GSR: variants seen among roughly 807,000 people sequenced by gnomAD.
The protein encoded by GSR is glutathione-disulfide reductase.
In GSR, 48 loss-of-function variants were observed where a neutral mutation model predicts 56.5. The observed-to-expected ratio is 0.85, with a 90% CI of 0.67 to 1.08. The LOEUF (loss-of-function observed/expected upper bound fraction) is 1.08. Ranked by LOEUF, GSR falls within the 50% of genes least tolerant of loss-of-function variation. The probability of loss-of-function intolerance (pLI) is 0.00; values close to 1 mark genes in which losing one functional copy is unlikely to be tolerated. For missense variants in GSR, 694 were observed against 703.3 expected, an observed-to-expected ratio of 0.99 and a Z score of 0.15; for synonymous variants, 264 against 270.8, an observed-to-expected ratio of 0.97 and a Z score of 0.25.
chr8:30,709,922 AAAG>A lies in GSR; in HGVS notation c.334-23_334-21del. Reference sequence around the variant, plus strand: ...CATTACCTGTAAAAAAAAAAAAAAAAAAGGATCCAAAACAGCAGTAAATCAGTC... The same window carrying A: ...CATTACCTGTAAAAAAAAAAAAAAAAGATCCAAAACAGCAGTAAATCAGTC... On this transcript the variant is annotated intron_variant, in intron 2 of 12. Transcript: ENST00000221130. The A allele has an allele frequency of 7.2e-7, 1 of 1,382,152 alleles. No homozygotes were observed. The highest frequency in any genetic ancestry group is 1.0e-6 in the Non-Finnish European group (1 of 981,216). The allele number at this position is 1,382,152 out of a possible 1,614,324, so 85.6% of individuals were successfully genotyped here.
chr8:30,721,895 T>C (rs1047657646), intron 1 of GSR, among the ~76,000 whole-genome samples: 4 of 151,630 alleles, frequency 2.6e-5, no homozygotes, highest in Non-Finnish European at 5.9e-5. Flanking sequence ...CACACGCCTG[T>C]AGTCCCAGCT....
intron 1 of GSR, among the ~76,000 whole-genome samples, chr8:30,717,569 G>A (rs1804378253): frequency 6.6e-6 from 1 of 152,116 alleles, no homozygotes; most frequent in African/African-American, 2.4e-5. Context: ...GGCGGCATTA[G>A]ATTCTCATAG....
In GSR at chr8:30,689,266, T is replaced by C. The variant is rs769407406; in HGVS notation, c.936A>G (p.Ala312=). 1 of 1,613,870 alleles carries C rather than the reference T, an allele frequency of 6.2e-7. No individual in the cohort carries two copies. The highest frequency in any genetic ancestry group is 1.1e-5 in the South Asian group (1 of 91,074). ...LSGLEVSMVT[A]VPGRLPVMTM... is the part of the protein sequence containing the mutation. ...TCATGACTGGTAGCCTACCGGGAACTGCAGTAACCATGCTGACTTCCAAGC... is the reference window on the plus strand; with the variant it reads ...TCATGACTGGTAGCCTACCGGGAACCGCAGTAACCATGCTGACTTCCAAGC... Residue 312 remains alanine, a synonymous_variant, in exon 9 of 13, where the codon GCA becomes GCG. Transcript: ENST00000221130.
At chr8:30,702,319 CTAAATAAATAAATAAA>C (rs531638931) in intron 5 of GSR, among the ~76,000 whole-genome samples, 1 of 150,880 alleles carries the variant, frequency 6.6e-6, no homozygotes, top group Non-Finnish European at 1.5e-5. Flanking sequence ...GACTCTGTCT[CTAAATAAATAAATAAA>C]TAAATAAATA....
chr8:30,700,723 CA>C (rs55702917), intron 5 of GSR, among the ~76,000 whole-genome samples: 24 of 80,056 alleles, frequency 3.0e-4, no homozygotes, highest in Admixed American at 8.8e-4. Flanking sequence ...ATTTTGTCTC[CA>C]AAAAAAAAAA....
chr8:30,715,324 T>A (rs1201511908), intron 1 of GSR, among the ~76,000 whole-genome samples: 1 of 151,754 alleles, frequency 6.6e-6, no homozygotes, highest in African/African-American at 2.4e-5. Flanking sequence ...AACGTATGGC[T>A]TTCTATCTAG....
chr8:30,714,335 C>T (rs1015794837), intron 1 of GSR, among the ~76,000 whole-genome samples: 7 of 150,646 alleles, frequency 4.6e-5, no homozygotes, highest in Non-Finnish European at 8.8e-5. Context: ...CCTCAGCCCC[C>T]GAGTAGCTGG....
intron 9 of GSR, among the ~76,000 whole-genome samples, chr8:30,687,309 C>T (rs983385931): frequency 2.6e-5 from 4 of 152,190 alleles, no homozygotes; most frequent in African/African-American, 7.2e-5. Flanking sequence ...AGTATTAGAA[C>T]ATAAGTCAAA....
intron 1 of GSR, among the ~76,000 whole-genome samples, chr8:30,713,650 C>T (rs1032270861): frequency 9.2e-5 from 14 of 152,168 alleles, no homozygotes; most frequent in Admixed American, 2.6e-4. Flanking sequence ...TGAGCCACCA[C>T]GCCCAGACGA....
Position 30,703,102 on chromosome 8 carries a change from G to C in GSR, c.631C>G (p.Gln211Glu), listed in dbSNP as rs1426173266. The C allele has an allele frequency of 6.2e-7, 1 of 1,614,100 alleles. No homozygotes were observed. ...GGMPSTPHES[Q>E]IPGASLGITS... ...CTGTTGTATGACTCACCGGGGATCT[G>C]GCTCTCATGAGGGGTGGAGGGCATA... The change falls in exon 5 of 13, where the codon CAG becomes GAG. Residue 211 changes from glutamine (Q) to glutamate (E), a missense_variant. Physicochemically the swap from Gln to Glu is conservative, Grantham distance 29. Transcript: ENST00000221130.
At chr8:30,702,071 C>T (rs1272311386) in intron 5 of GSR, among the ~76,000 whole-genome samples, 4 of 150,962 alleles carry the variant, frequency 2.6e-5, no homozygotes, top group Non-Finnish European at 4.4e-5. Context: ...AATAATAGGC[C>T]GGGCACAGTG....
rs544170264 is a variant in GSR, at chr8:30,693,084, C to T, written c.796-29G>A. 1.7e-5 allele frequency: 23 copies of T among 1,385,830 alleles called. No homozygotes were observed. In the African/African-American group the frequency reaches 2.0e-4, roughly 12 times the overall value. The allele number at this position is 1,385,830 out of a possible 1,614,324, so 85.8% of individuals were successfully genotyped here. ...CATATCAACATAGGGATGGGTAATGCGAGAGGAAGAAAACTTGAGCAAAGA... is the reference window on the plus strand; with the variant it reads ...CATATCAACATAGGGATGGGTAATGTGAGAGGAAGAAAACTTGAGCAAAGA... On this transcript the variant is annotated intron_variant, in intron 7 of 12. Transcript: ENST00000221130.
At chr8:30,715,504 C>T (rs1488950867) in intron 1 of GSR, among the ~76,000 whole-genome samples, 3 of 152,132 alleles carry the variant, frequency 2.0e-5, no homozygotes, top group Non-Finnish European at 2.9e-5. Context: ...GTGGGAAGAA[C>T]AATGCTAGCC....
At chr8:30,715,959 C>T (rs895873756) in intron 1 of GSR, among the ~76,000 whole-genome samples, 1 of 152,086 alleles carries the variant, frequency 6.6e-6, no homozygotes, top group African/African-American at 2.4e-5. Flanking sequence ...TTCTTCTAAG[C>T]GCCAAGGTGG....
chr8:30,712,138 TCAAACGAA>T lies in GSR; in HGVS notation c.307-58_307-51del. The T allele has an allele frequency of 1.0e-5, 10 of 998,540 alleles. No individual in the cohort carries two copies. In the Admixed American group the frequency reaches 1.6e-4, roughly 16 times the overall value. The allele number at this position is 998,540 out of a possible 1,614,324, so 61.9% of individuals were successfully genotyped here. On this transcript the variant is annotated intron_variant, in intron 1 of 12. Coordinates refer to ENST00000221130, the MANE Select transcript of GSR (RefSeq NM_000637.5). ...CTTTAAGAATATTGAATTCAAACCA[TCAAACGAA>T]ATCTGCAAGAAATGCACGCTAAGCA...
At chr8:30,693,176 G>T in intron 7 of GSR, 121 bp from the exon 8 acceptor site, 1 of 712,898 alleles carries the variant, frequency 1.4e-6, no homozygotes. Context: ...CCTTACTTAT[G>T]GCCATATTGG....
intron 1 of GSR, among the ~76,000 whole-genome samples, chr8:30,720,012 C>A (rs1015149927): frequency 3.3e-5 from 5 of 152,036 alleles, no homozygotes; most frequent in African/African-American, 1.2e-4. Flanking sequence ...GAGTTAGAGA[C>A]CGGCCTGAGA....
chr8:30,698,756 T>C (rs1196611272), intron 6 of GSR, among the ~76,000 whole-genome samples: 1 of 152,130 alleles, frequency 6.6e-6, no homozygotes, highest in Non-Finnish European at 1.5e-5. Flanking sequence ...TCAAACTGGA[T>C]TAGCACAGCC....
intron 1 of GSR, among the ~76,000 whole-genome samples, chr8:30,724,289 T>C (rs932928352): frequency 6.6e-6 from 1 of 152,190 alleles, no homozygotes; most frequent in Non-Finnish European, 1.5e-5. Context: ...CTCAATCCTA[T>C]GGCTTACCAC....
Sources: gnomAD v4.1 joint callset for allele counts (sites outside exome capture counted in the v4.1 genomes callset) on GRCh38, gnomAD v4.1.1 for gene constraint, MANE v1.5 for transcripts, NCBI Gene and HGNC (gene_info 2026-07-23, HGNC 2026-07-21) for gene names.